Variants in PREX2 observed in about 807,000 individuals in gnomAD.
PREX2 encodes phosphatidylinositol 3,4,5-trisphosphate-dependent Rac exchanger 2 protein.
In PREX2, 107 loss-of-function variants were observed where a neutral mutation model predicts 203.2. The ratio of observed to expected loss-of-function variants is 0.53; its 90% CI spans 0.45 to 0.62. The LOEUF is 0.62. Among genes scored for constraint, PREX2 ranks in the 20% least tolerant of loss-of-function variants. The probability of loss-of-function intolerance (pLI) is 0.00; values close to 1 mark genes in which losing one functional copy is unlikely to be tolerated. For missense variants in PREX2, 1,777 were observed against 1,955.9 expected (o/e 0.91, Z 1.72); for synonymous variants, 672 against 663.6 (o/e 1.01, Z -0.19).
chr8:68,028,273 T>G (rs996332956), intron 5 of PREX2, among the ~76,000 whole-genome samples: 1 of 151,644 alleles, frequency 6.6e-6, no homozygotes, highest in Non-Finnish European at 1.5e-5. Flanking sequence ...AATGATTAAT[T>G]TAACTATTTT....
chr8:68,121,496 CTAAGT>C (rs1291949765), intron 30 of PREX2, among the ~76,000 whole-genome samples: 1 of 152,006 alleles, frequency 6.6e-6, no homozygotes, highest in African/African-American at 2.4e-5. Context: ...AAGTGTTTGT[CTAAGT>C]TGATTGCTAT....
In PREX2 at chr8:68,025,068, G is replaced by A. The variant is rs576701642; in HGVS notation, c.442-2154G>A. 8.0e-4 allele frequency among the ~76,000 whole-genome samples: 122 copies of A among 151,910 alleles called. 4 individuals carry two copies. The South Asian group carries it at 0.021, about 26-fold the overall frequency. Reference sequence around the variant, plus strand: ...TTTTTCTACAGTCTTTTATAGTTATGTACACATTTACCATCTCTGGTGCTC... The same window carrying A: ...TTTTTCTACAGTCTTTTATAGTTATATACACATTTACCATCTCTGGTGCTC... On this transcript the variant is annotated intron_variant, in intron 4 of 39. Coordinates refer to ENST00000288368, the MANE Select transcript of PREX2 (RefSeq NM_024870.4).
intron 8 of PREX2, among the ~76,000 whole-genome samples, chr8:68,045,781 T>A (rs1352065768): frequency 6.6e-6 from 1 of 152,122 alleles, no homozygotes; most frequent in Non-Finnish European, 1.5e-5. Context: ...CTACAGACTG[T>A]AATGCAGTTG....
chr8:67,967,554 C>G (rs1805809430), intron 1 of PREX2, among the ~76,000 whole-genome samples: 1 of 152,106 alleles, frequency 6.6e-6, no homozygotes, highest in Admixed American at 6.5e-5. Flanking sequence ...GCAGTTGGGG[C>G]ACCATAGGCT....
intron 35 of PREX2, among the ~76,000 whole-genome samples, chr8:68,174,536 C>G (rs2129614300): frequency 6.6e-6 from 1 of 152,122 alleles, no homozygotes; most frequent in East Asian, 1.9e-4. Flanking sequence ...TTGGCCAATT[C>G]CTACCCATCT....
intron 1 of PREX2, among the ~76,000 whole-genome samples, chr8:68,003,217 TG>T (rs1195869383): frequency 6.6e-6 from 1 of 151,994 alleles, no homozygotes; most frequent in Non-Finnish European, 1.5e-5. Context: ...TGTATCTCTT[TG>T]TTGCCCAGGC....
intron 11 of PREX2, among the ~76,000 whole-genome samples, chr8:68,067,275 A>G (rs1401442475): frequency 6.6e-6 from 1 of 152,124 alleles, no homozygotes; most frequent in Non-Finnish European, 1.5e-5. Flanking sequence ...TGGAATCTTG[A>G]TAGAAATCAC....
intron 7 of PREX2, among the ~76,000 whole-genome samples, chr8:68,042,597 T>C (rs1209893367): frequency 6.6e-6 from 1 of 152,138 alleles, no homozygotes; most frequent in Non-Finnish European, 1.5e-5. Flanking sequence ...TTTTCTACTA[T>C]TGTATACATT....
At chr8:68,223,288 CT>C (rs1812992808) in intron 38 of PREX2, 1 of 152,042 alleles carries the variant, frequency 6.6e-6, no homozygotes, top group Non-Finnish European at 1.5e-5. Context: ...AAAAAGTTTT[CT>C]TTGTTTGTTT....
intron 31 of PREX2, among the ~76,000 whole-genome samples, chr8:68,129,467 G>A (rs988191922): frequency 2.0e-5 from 3 of 152,046 alleles, no homozygotes; most frequent in Admixed American, 6.6e-5. Flanking sequence ...TTTTGGCTGC[G>A]AAATTATGTT....
At chr8:67,995,671 G>T (rs1480354718) in intron 1 of PREX2, among the ~76,000 whole-genome samples, 3 of 152,166 alleles carry the variant, frequency 2.0e-5, no homozygotes, top group African/African-American at 7.2e-5. Flanking sequence ...GGGAAGCATT[G>T]ATATGCTCGT....
At chr8:68,069,538 T>A (rs560584276) in intron 12 of PREX2, among the ~76,000 whole-genome samples, 4 of 62,976 alleles carry the variant, frequency 6.4e-5, no homozygotes, top group Non-Finnish European at 1.5e-4. Context: ...TGTATTGGTA[T>A]ATTTTGTTTA....
At chr8:68,008,299 C>G (rs926334578) in intron 1 of PREX2, among the ~76,000 whole-genome samples, 1 of 152,164 alleles carries the variant, frequency 6.6e-6, no homozygotes, top group Admixed American at 6.5e-5. Context: ...CAGCCCAGCA[C>G]TAACCGTTTT....
intron 1 of PREX2, among the ~76,000 whole-genome samples, chr8:67,971,613 T>C (rs1245527924): frequency 6.6e-6 from 1 of 152,066 alleles, no homozygotes; most frequent in Non-Finnish European, 1.5e-5. Context: ...AATCCACTTA[T>C]AAAACTAAGA....
At chr8:67,976,103 A>G (rs556256317) in intron 1 of PREX2, among the ~76,000 whole-genome samples, 10 of 152,204 alleles carry the variant, frequency 6.6e-5, no homozygotes, top group Middle Eastern at 3.4e-3. Flanking sequence ...CACGGTTGCA[A>G]CTAGTCCCCA....
intron 20 of PREX2, among the ~76,000 whole-genome samples, chr8:68,091,289 A>G (rs556235138): frequency 3.5e-4 from 53 of 151,544 alleles, no homozygotes; most frequent in African/African-American, 1.2e-3. Flanking sequence ...ATTGTAGAAC[A>G]CTATCCTTTG....
At chr8:68,112,754 A>T (rs1810559979) in intron 25 of PREX2, among the ~76,000 whole-genome samples, 1 of 152,118 alleles carries the variant, frequency 6.6e-6, no homozygotes, top group Non-Finnish European at 1.5e-5. Flanking sequence ...AATCCTGCTT[A>T]ATTTGCACAG....
chr8:68,113,675 A>T (rs1810580600), intron 25 of PREX2, among the ~76,000 whole-genome samples: 1 of 152,110 alleles, frequency 6.6e-6, no homozygotes, highest in South Asian at 2.1e-4. Flanking sequence ...TCGCTGTGAG[A>T]CCTGACCTGA....
chr8:67,981,313 T>C (rs1255577274), intron 1 of PREX2, among the ~76,000 whole-genome samples: 1 of 152,146 alleles, frequency 6.6e-6, no homozygotes, highest in Admixed American at 6.5e-5. Flanking sequence ...GATGCCATCT[T>C]TTAAAAGAGA....
Sources: gnomAD v4.1 joint callset for allele counts (sites outside exome capture counted in the v4.1 genomes callset) on GRCh38, gnomAD v4.1.1 for gene constraint, MANE v1.5 for transcripts, NCBI Gene and HGNC (gene_info 2026-07-23, HGNC 2026-07-21) for gene names.